The following TRAPPC10 variants were observed in gnomAD, a reference collection of about 807,000 sequenced individuals.
TRAPPC10 encodes the protein TRAPP 130 kDa subunit.
A neutral mutation model predicts 125.5 loss-of-function variants in TRAPPC10; 23 were observed. The observed-to-expected ratio is 0.18, with a 90% CI of 0.13 to 0.26. The LOEUF (loss-of-function observed/expected upper bound fraction) is 0.26. Ranked by LOEUF, TRAPPC10 falls within the 10% of genes least tolerant of loss-of-function variation. The pLI is 1.00. For missense variants in TRAPPC10, 1,123 were observed against 1,308.4 expected, an observed-to-expected ratio of 0.86 and a Z score of 2.19; for synonymous variants, 509 against 518.0, an observed-to-expected ratio of 0.98 and a Z score of 0.24.
At chr21:44,086,739 C>T (rs2038161285) in intron 15 of TRAPPC10, 63 bp from the exon 16 acceptor site, 3 of 1,570,228 alleles carry the variant, frequency 1.9e-6, no homozygotes, top group Admixed American at 3.4e-5. Context: ...CACCCCATTG[C>T]GGGCCCTGAG....
intron 20 of TRAPPC10, among the ~76,000 whole-genome samples, chr21:44,095,283 T>C (rs1462308668): frequency 1.3e-5 from 2 of 152,240 alleles, no homozygotes; most frequent in African/African-American, 4.8e-5. Context: ...TTCACACTTG[T>C]TGCCCAGGCT....
intron 6 of TRAPPC10, chr21:44,062,481 G>T (rs2036130689): frequency 2.1e-6 from 2 of 937,204 alleles, no homozygotes; most frequent in African/African-American, 1.8e-5. Context: ...GCCTCCCTGT[G>T]GGGGCGGCAC....
rs34848979 is a variant in TRAPPC10 at position 44,060,915 on chromosome 21, T to TACAC, written c.790+1730_790+1733dup. ...CATGCCCAGCCTATACATACATACA[T>TACAC]ACACACACACACACACACACACACA... is the stretch of plus-strand genomic sequence containing the variant. On this transcript the variant is annotated intron_variant, in intron 6 of 22. Transcript: ENST00000291574. Among the ~76,000 whole-genome samples the TACAC allele has an allele frequency of 8.4e-3, 1,110 of 132,246 alleles. 4 individuals carry two copies. The highest frequency in any genetic ancestry group is 0.012 in the Non-Finnish European group (766 of 63,606). The allele number at this position is 132,246 out of a possible 152,430, so 86.8% of individuals were successfully genotyped here.
intron 1 of TRAPPC10, among the ~76,000 whole-genome samples, chr21:44,027,213 A>G (rs558480889): frequency 6.6e-6 from 1 of 152,310 alleles, no homozygotes; most frequent in African/African-American, 2.4e-5. Context: ...ATCTCCAAAT[A>G]GAAGTATTGA....
rs1321238294 is a variant in TRAPPC10 at position 44,087,839 on chromosome 21, G to C, written c.2680G>C (p.Glu894Gln). 6.2e-7 allele frequency: 1 copy of C among 1,614,248 alleles called. No homozygotes were observed. Among genetic ancestry groups the C allele is most frequent in the Non-Finnish European group, 8.5e-7 (1 of 1,180,046 alleles). ...SLPSAPALGG[E>Q]SDMLGMAEPH... ...ACCTTCAGCCCCAGCACTCGGAGGGGAGAGTGACATGCTGGGGATGGCAGA... is the reference window on the plus strand; with the variant it reads ...ACCTTCAGCCCCAGCACTCGGAGGGCAGAGTGACATGCTGGGGATGGCAGA... The change falls in exon 17 of 23, where the codon GAG (glutamate) becomes CAG (glutamine). Residue 894 changes from glutamate to glutamine, a missense_variant. Physicochemically the swap from Glu to Gln is conservative, Grantham distance 29. Coordinates refer to ENST00000291574, the MANE Select transcript of TRAPPC10 (RefSeq NM_003274.5). This position sits in a 1 kb window ranked among gnomAD's most constrained non-coding sequence, Gnocchi z 4.6.
At chr21:44,079,831 T>A in intron 12 of TRAPPC10, 127 bp downstream of exon 12, 1 of 1,131,406 alleles carries the variant, frequency 8.8e-7, no homozygotes, top group Non-Finnish European at 1.3e-6. Flanking sequence ...ACATATGTAT[T>A]GTATAGAAAA....
At chr21:44,019,795 A>C (rs1169297002) in intron 1 of TRAPPC10, among the ~76,000 whole-genome samples, 1 of 152,182 alleles carries the variant, frequency 6.6e-6, no homozygotes. Flanking sequence ...GTTAGCTACC[A>C]AGCGCGCAGT....
chr21:44,015,893 C>T (rs1257357119), intron 1 of TRAPPC10, among the ~76,000 whole-genome samples: 5 of 152,206 alleles, frequency 3.3e-5, no homozygotes, highest in African/African-American at 9.6e-5. Context: ...GGATTACAGG[C>T]GTGAGCCCCC....
rs373895769 is a variant in TRAPPC10, at chr21:44,087,956, C to G, written c.2769+28C>G. The G allele has an allele frequency of 1.2e-5, 19 of 1,574,432 alleles. No individual in the cohort carries two copies. The highest frequency in any genetic ancestry group is 1.6e-5 in the Non-Finnish European group (18 of 1,154,612). On this transcript the variant is annotated intron_variant, in intron 17 of 22. Coordinates refer to ENST00000291574, the MANE Select transcript of TRAPPC10 (RefSeq NM_003274.5). The surrounding 1 kb of genome is among the most constrained non-coding windows in gnomAD (Gnocchi z 4.6). ...GAGTAGGGACAGTGGAGGAGCTTAG[C>G]TTGTGGGGCGTCCGCCGCCCGCCTG...
intron 1 of TRAPPC10, among the ~76,000 whole-genome samples, chr21:44,028,526 C>T (rs1481019488): frequency 6.6e-6 from 1 of 152,174 alleles, no homozygotes; most frequent in Non-Finnish European, 1.5e-5. Context: ...TCCATGGCAC[C>T]CCAGCTTCCT....
At chr21:44,012,661 C>G (rs1157331171) in intron 1 of TRAPPC10, 101 bp downstream of exon 1, 5 of 1,042,046 alleles carry the variant, frequency 4.8e-6, no homozygotes, top group Non-Finnish European at 4.1e-6. Context: ...CCGGCGCGCT[C>G]CGGGCTGGGC....
chr21:44,029,327 C>G (rs1344487781), intron 1 of TRAPPC10, among the ~76,000 whole-genome samples: 7 of 152,192 alleles, frequency 4.6e-5, no homozygotes, highest in African/African-American at 1.4e-4. Flanking sequence ...ATCACTTGAC[C>G]TTGTGATCCA....
chr21:44,076,047 CAAA>C (rs58237566), intron 9 of TRAPPC10, among the ~76,000 whole-genome samples: 46,945 of 137,216 alleles, frequency 0.34, 10,175 homozygotes, highest in African/African-American at 0.63. Flanking sequence ...AAAACTCTGT[CAAA>C]AAAAAAAAAA....
rs2031199950 is a variant in TRAPPC10, at chr21:44,012,412, G to A, written c.-82G>A. On this transcript the variant is annotated 5_prime_UTR_variant, in exon 1 of 23. Transcript: ENST00000291574. ...GCGGCCGGGCGGGCGGCGCCGCTCA[G>A]GCTCGGGCTCCGGCTGGGCCCGGCG... The A allele has an allele frequency of 3.3e-6, 3 of 911,196 alleles. No homozygotes were observed. The highest frequency in any genetic ancestry group is 1.2e-4 in the Admixed American group (2 of 16,914). 56.4% of individuals were successfully genotyped at this position (911,196 alleles called of 1,614,324 possible). A position where few individuals can be genotyped will look rare whatever the true frequency, so the allele number is the denominator to read the frequency against.
chr21:44,089,163 A>G (rs1173095935), intron 17 of TRAPPC10: 1 of 281,268 alleles, frequency 3.6e-6, no homozygotes, highest in Non-Finnish European at 7.0e-6. Context: ...GTGCTGTGTT[A>G]TCCTCTCTTC....
intron 3 of TRAPPC10, among the ~76,000 whole-genome samples, chr21:44,040,447 A>G (rs1300924651): frequency 6.6e-6 from 1 of 151,686 alleles, no homozygotes; most frequent in Non-Finnish European, 1.5e-5. Flanking sequence ...GGCTCAAGTG[A>G]TTGTCCTACC....
rs186894068 is a variant in TRAPPC10, at chr21:44,085,300, A to G, written c.2380+1037A>G. On this transcript the variant is annotated intron_variant, in intron 15 of 22. Coordinates refer to ENST00000291574, the MANE Select transcript of TRAPPC10 (RefSeq NM_003274.5). Reference sequence around the variant, plus strand: ...ATGCCTGGAAATGGGGTTGAAAACTACATGTGTATTTTACAGTGTCACATT... The same window carrying G: ...ATGCCTGGAAATGGGGTTGAAAACTGCATGTGTATTTTACAGTGTCACATT... Among the ~76,000 whole-genome samples the G allele has an allele frequency of 2.0e-5, 3 of 152,196 alleles. No homozygotes were observed. In the East Asian group the frequency reaches 5.8e-4, roughly 29 times the overall value.
chr21:44,046,952 C>T, intron 3 of TRAPPC10: 2 of 831,104 alleles, frequency 2.4e-6, no homozygotes, highest in Non-Finnish European at 4.1e-6. Context: ...ATGAATATGG[C>T]CCACTGGGAA....
chr21:44,073,983 T>TA (rs3216367), intron 7 of TRAPPC10, among the ~76,000 whole-genome samples: 31,684 of 151,558 alleles, frequency 0.21, 3,733 homozygotes, highest in African/African-American at 0.31. Context: ...TTCCTTTTTT[T>TA]AAAAAAAAAT....
Sources: gnomAD v4.1 joint callset for allele counts (sites outside exome capture counted in the v4.1 genomes callset) on GRCh38, gnomAD v4.1.1 for gene constraint, Gnocchi (gnomAD v3.1) non-coding constraint, MANE v1.5 for transcripts, NCBI Gene and HGNC (gene_info 2026-07-23, HGNC 2026-07-21) for gene names.